The following SOX6 variants were observed in gnomAD, a reference collection of about 807,000 sequenced individuals.
The protein encoded by SOX6 is transcription factor SOX-6.
SOX6 carries 11 observed loss-of-function variants against 97.8 expected under a neutral mutation model. The observed-to-expected ratio is 0.11, with a 90% CI of 0.07 to 0.19. The LOEUF (loss-of-function observed/expected upper bound fraction) is 0.19, where lower values mean the gene tolerates loss of function less well. SOX6 is among the 10% of genes least tolerant of loss of function. The pLI is 1.00. For synonymous variants in SOX6, 360 were observed against 371.4 expected, an observed-to-expected ratio of 0.97 and a Z score of 0.35; for missense variants, 810 against 1,039.5, an observed-to-expected ratio of 0.78 and a Z score of 3.04.
chr11:16,511,395 TA>T, intron 4 of SOX6, among the ~76,000 whole-genome samples: 1 of 152,162 alleles, frequency 6.6e-6, no homozygotes, highest in Non-Finnish European at 1.5e-5. Context: ...TAGGGAGGAT[TA>T]AACCAATTTT....
chr11:16,557,828 A>C (rs974126915), intron 4 of SOX6, among the ~76,000 whole-genome samples: 1 of 151,804 alleles, frequency 6.6e-6, no homozygotes, highest in African/African-American at 2.4e-5. Context: ...TTTTCAGATC[A>C]AAGTATCACC....
intron 4 of SOX6, among the ~76,000 whole-genome samples, chr11:16,563,507 A>G (rs1000573974): frequency 2.6e-5 from 4 of 152,186 alleles, no homozygotes; most frequent in African/African-American, 9.7e-5. Context: ...CAATTGTAGA[A>G]TGGAAAGCAC....
At chr11:16,380,441 A>G (rs1412722437) in intron 1 of SOX6, among the ~76,000 whole-genome samples, 1 of 152,046 alleles carries the variant, frequency 6.6e-6, no homozygotes, top group East Asian at 1.9e-4. Flanking sequence ...TCCAATAACC[A>G]TAGTTTGGTT....
At chr11:16,191,690 C>A (rs1851634599) in intron 4 of SOX6, among the ~76,000 whole-genome samples, 1 of 152,030 alleles carries the variant, frequency 6.6e-6, no homozygotes, top group South Asian at 2.1e-4. Context: ...GAGGTAGTTT[C>A]ACAAACCACA....
At chr11:16,245,236 G>A (rs971446554) in intron 3 of SOX6, among the ~76,000 whole-genome samples, 2 of 151,510 alleles carry the variant, frequency 1.3e-5, no homozygotes, top group African/African-American at 4.8e-5. Context: ...CAAATAATTT[G>A]AATTTAAAAA....
At chr11:16,135,633 A>G (rs1849940862) in intron 6 of SOX6, among the ~76,000 whole-genome samples, 1 of 152,248 alleles carries the variant, frequency 6.6e-6, no homozygotes, top group South Asian at 2.1e-4. Context: ...CAGTCTTATA[A>G]TAAAACCTTA....
intron 3 of SOX6, among the ~76,000 whole-genome samples, chr11:16,297,086 C>A (rs1565076297): frequency 6.6e-6 from 1 of 151,978 alleles, no homozygotes; most frequent in Non-Finnish European, 1.5e-5. Flanking sequence ...CAATGACTTA[C>A]AAGAAGTAAA....
chr11:16,424,879 G>C (rs1859094118), intron 1 of SOX6, among the ~76,000 whole-genome samples: 1 of 152,218 alleles, frequency 6.6e-6, no homozygotes, highest in Non-Finnish European at 1.5e-5. Context: ...AGGGGAGTTG[G>C]TGAGTGAATG....
At chr11:16,153,098 C>T (rs1850501160) in intron 6 of SOX6, among the ~76,000 whole-genome samples, 2 of 152,146 alleles carry the variant, frequency 1.3e-5, no homozygotes, top group African/African-American at 4.8e-5. Flanking sequence ...ATCTCTTAAC[C>T]TTGTGATCCA....
At chr11:16,712,085 AC>A (rs2134048268) in intron 3 of SOX6, among the ~76,000 whole-genome samples, 1 of 141,370 alleles carries the variant, frequency 7.1e-6, no homozygotes, top group African/African-American at 2.9e-5. Context: ...CCATACACAC[AC>A]ACACACACAC....
chr11:16,101,269 T>G (rs983092560), intron 7 of SOX6, among the ~76,000 whole-genome samples: 1 of 151,672 alleles, frequency 6.6e-6, no homozygotes, highest in African/African-American at 2.4e-5. Context: ...TTTGTCTTTA[T>G]GCGAAACCAC....
At chr11:16,077,684 T>G (rs1483265326) in intron 9 of SOX6, among the ~76,000 whole-genome samples, 1 of 152,202 alleles carries the variant, frequency 6.6e-6, no homozygotes, top group Non-Finnish European at 1.5e-5. Flanking sequence ...GCAGTCATTA[T>G]CCTAAGCAAA....
At chr11:16,108,547 A>C (rs908740864) in intron 7 of SOX6, among the ~76,000 whole-genome samples, 4 of 151,784 alleles carry the variant, frequency 2.6e-5, no homozygotes, top group Admixed American at 2.6e-4. Flanking sequence ...AATGTGAAAG[A>C]GCAAAGCAAC....
chr11:16,043,532 A>C (rs1408946688), intron 12 of SOX6, among the ~76,000 whole-genome samples: 5 of 152,194 alleles, frequency 3.3e-5, no homozygotes, highest in African/African-American at 1.2e-4. Context: ...GGATTTACCC[A>C]ATACAGTGAG....
intron 3 of SOX6, among the ~76,000 whole-genome samples, chr11:16,616,068 A>C (rs1848467597): frequency 6.6e-6 from 1 of 152,152 alleles, no homozygotes; most frequent in Admixed American, 6.5e-5. Flanking sequence ...AGTAATGTTA[A>C]AGCTTGCGCA....
At chr11:16,209,871 T>C (rs1233714025) in intron 4 of SOX6, among the ~76,000 whole-genome samples, 1 of 152,216 alleles carries the variant, frequency 6.6e-6, no homozygotes, top group Admixed American at 6.5e-5. Context: ...CAATACTTAC[T>C]AGGCTTTTCA....
chr11:16,583,464 A>T (rs2133968284), intron 4 of SOX6, among the ~76,000 whole-genome samples: 1 of 151,222 alleles, frequency 6.6e-6, no homozygotes, highest in African/African-American at 2.4e-5. Flanking sequence ...AGCCTCTAGT[A>T]ACCACTATTC....
intron 6 of SOX6, among the ~76,000 whole-genome samples, chr11:16,113,598 TA>T (rs1297636872): frequency 6.6e-6 from 1 of 152,170 alleles, no homozygotes; most frequent in Non-Finnish European, 1.5e-5. Flanking sequence ...ACAATATTTT[TA>T]TGGGTTACAA....
At chr11:16,283,109 A>C (rs971614670) in intron 3 of SOX6, among the ~76,000 whole-genome samples, 5 of 143,544 alleles carry the variant, frequency 3.5e-5, no homozygotes, top group African/African-American at 1.3e-4. Flanking sequence ...ATATATATAT[A>C]TATATGACTC....
Sources: gnomAD v4.1 joint callset for allele counts (sites outside exome capture counted in the v4.1 genomes callset) on GRCh38, gnomAD v4.1.1 for gene constraint, MANE v1.5 for transcripts, NCBI Gene and HGNC (gene_info 2026-07-23, HGNC 2026-07-21) for gene names.